The following VAC14 variants were observed in gnomAD, a reference collection of about 807,000 sequenced individuals.
VAC14 encodes protein VAC14 homolog.
Under a neutral mutation model 85.3 loss-of-function variants are expected in VAC14, and 47 were observed. That is an observed-to-expected ratio of 0.55 (90% CI 0.44 to 0.70). The LOEUF is 0.70. Ranked by LOEUF, VAC14 falls within the 30% of genes least tolerant of loss-of-function variation. The probability of loss-of-function intolerance (pLI) is 0.00; values close to 1 mark genes in which losing one functional copy is unlikely to be tolerated. For missense variants in VAC14, 861 were observed against 1,004.3 expected (o/e 0.86, Z 1.93); for synonymous variants, 447 against 430.5 (o/e 1.04, Z -0.47).
chr16:70,782,077 G>A (rs549370361), intron 7 of VAC14, 74 bp from the exon 8 acceptor site: 184 of 1,560,760 alleles, frequency 1.2e-4, no homozygotes, highest in Admixed American at 1.1e-3. Context: ...GACCATACAC[G>A]TGGGATGGGG....
intron 9 of VAC14, among the ~76,000 whole-genome samples, chr16:70,776,842 T>C (rs1163062547): frequency 6.6e-6 from 1 of 151,678 alleles, no homozygotes; most frequent in African/African-American, 2.4e-5. Context: ...AGATGGAGTC[T>C]TGCTCTGTTG....
At chr16:70,689,655 T>A in intron 18 of VAC14, 1 of 985,714 alleles carries the variant, frequency 1.0e-6, no homozygotes, top group Non-Finnish European at 1.2e-6. Flanking sequence ...TGTCTACGGC[T>A]GCGGCTGCTG....
chr16:70,735,415 G>A (rs995682634), intron 13 of VAC14, among the ~76,000 whole-genome samples: 10 of 152,148 alleles, frequency 6.6e-5, no homozygotes, highest in Non-Finnish European at 1.5e-4. Context: ...ACCATCCAGA[G>A]TATTCCAAGT....
At chr16:70,720,104 G>A (rs1169970828) in intron 14 of VAC14, among the ~76,000 whole-genome samples, 3 of 152,136 alleles carry the variant, frequency 2.0e-5, no homozygotes, top group African/African-American at 7.2e-5. Flanking sequence ...CCAGCTGTAC[G>A]GTTCCATTTA....
At chr16:70,690,112 G>T (rs2053570518) in intron 18 of VAC14, 1 of 985,590 alleles carries the variant, frequency 1.0e-6, no homozygotes, top group Admixed American at 6.1e-5. Flanking sequence ...AACCCGGGAA[G>T]ATGGCGTCGG....
At chr16:70,796,259 TC>T (rs749485199) in intron 1 of VAC14, among the ~76,000 whole-genome samples, 1 of 152,036 alleles carries the variant, frequency 6.6e-6, no homozygotes, top group Non-Finnish European at 1.5e-5. Flanking sequence ...GATCTGGGGG[TC>T]CTTCAGTTGA....
chr16:70,779,897 T>A (rs956264111), intron 9 of VAC14, among the ~76,000 whole-genome samples: 2 of 152,072 alleles, frequency 1.3e-5, no homozygotes, highest in Non-Finnish European at 2.9e-5. Context: ...TACAGTGGTG[T>A]GATCATAGCT....
chr16:70,744,011 A>G (rs1321484487), intron 13 of VAC14, among the ~76,000 whole-genome samples: 3 of 151,960 alleles, frequency 2.0e-5, no homozygotes, highest in Non-Finnish European at 4.4e-5. Flanking sequence ...TGCCACGTGC[A>G]GTGCTATTTT....
chr16:70,789,519 C>T (rs1045352996), intron 1 of VAC14, among the ~76,000 whole-genome samples: 4 of 152,158 alleles, frequency 2.6e-5, no homozygotes, highest in Admixed American at 6.5e-5. Context: ...ATTGGTGGTT[C>T]AGTGGTAGAA....
At chr16:70,766,837 C>T (rs2032853260) in intron 10 of VAC14, among the ~76,000 whole-genome samples, 1 of 152,164 alleles carries the variant, frequency 6.6e-6, no homozygotes, top group South Asian at 2.1e-4. Context: ...GCTGCTGCTG[C>T]TGAGCTCTGC....
chr16:70,746,464 C>G (rs2030898649), intron 12 of VAC14, among the ~76,000 whole-genome samples: 1 of 152,216 alleles, frequency 6.6e-6, no homozygotes, highest in Admixed American at 6.5e-5. Context: ...ACAGCCACCC[C>G]TGCCCGTGGC....
At chr16:70,707,310 T>G (rs79511906) in intron 14 of VAC14, among the ~76,000 whole-genome samples, 1 of 152,248 alleles carries the variant, frequency 6.6e-6, no homozygotes. Flanking sequence ...ATGCAGTCGA[T>G]GTGTCTGGTA....
At chr16:70,778,733 A>T (rs2033651544) in intron 9 of VAC14, 1 of 152,240 alleles carries the variant, frequency 6.6e-6, no homozygotes, top group Admixed American at 6.5e-5. Flanking sequence ...TATGATCTTA[A>T]CTACGTATAT....
At chr16:70,734,209 G>A (rs754874494) in intron 13 of VAC14, among the ~76,000 whole-genome samples, 8 of 152,072 alleles carry the variant, frequency 5.3e-5, no homozygotes, top group Non-Finnish European at 7.3e-5. Context: ...AGTGATTACA[G>A]TTCACTGCAG....
chr16:70,779,119 G>A (rs1253984645), intron 9 of VAC14: 2 of 152,234 alleles, frequency 1.3e-5, no homozygotes, highest in South Asian at 2.1e-4. Flanking sequence ...CTCCAGCTGA[G>A]TGCTGTTCTG....
At chr16:70,725,207 AGAGT>A (rs1190933626) in intron 14 of VAC14, among the ~76,000 whole-genome samples, 1 of 152,226 alleles carries the variant, frequency 6.6e-6, no homozygotes, top group Non-Finnish European at 1.5e-5. Context: ...AAAGACTCAC[AGAGT>A]GAGGAGGGGG....
chr16:70,761,406 T>A (rs1488527754), intron 12 of VAC14: 1 of 198,650 alleles, frequency 5.0e-6, no homozygotes, highest in African/African-American at 2.4e-5. Context: ...AAGAGGAAAG[T>A]GGGCTGAGGC....
chr16:70,695,699 C>A (rs148892544), intron 16 of VAC14, 76 bp from the exon 17 acceptor site: 80 of 1,432,664 alleles, frequency 5.6e-5, no homozygotes, highest in African/African-American at 4.5e-4. Flanking sequence ...GCCCTCCCCC[C>A]CTGCACCTGG....
intron 13 of VAC14, among the ~76,000 whole-genome samples, chr16:70,735,370 G>A (rs908719561): frequency 6.6e-6 from 1 of 152,246 alleles, no homozygotes; most frequent in African/African-American, 2.4e-5. Context: ...GTTCCCAGAA[G>A]CATCAGCCCA....
Sources: allele counts gnomAD v4.1 joint callset (sites outside exome capture counted in the v4.1 genomes callset), GRCh38; gene constraint gnomAD v4.1.1; transcripts MANE v1.5; gene names NCBI Gene and HGNC (gene_info 2026-07-23, HGNC 2026-07-21).